Variants in SLC24A2 observed in about 807,000 individuals in gnomAD.
SLC24A2 encodes solute carrier family 24 member 2.
Under a neutral mutation model 62.0 loss-of-function variants are expected in SLC24A2, and 36 were observed. The ratio of observed to expected loss-of-function variants is 0.58; its 90% CI spans 0.44 to 0.77. The LOEUF (loss-of-function observed/expected upper bound fraction) is 0.77, where lower values mean the gene tolerates loss of function less well. SLC24A2 is among the 30% of genes least tolerant of loss of function. SLC24A2 has a pLI of 0.00. For missense variants in SLC24A2, 846 were observed against 817.9 expected, an observed-to-expected ratio of 1.03 and a Z score of -0.42; for synonymous variants, 358 against 294.0, an observed-to-expected ratio of 1.22 and a Z score of -2.23.
Position 19,514,236 on chromosome 9 carries a change from C to G in SLC24A2, c.*1917G>C, listed in dbSNP as rs1832843538. Reference sequence around the variant, plus strand: ...GATCTGGGGCTGTCAGGTTACCTTTCCTCTTATTCTGCTGTGAGTTCTGCA... The same window carrying G: ...GATCTGGGGCTGTCAGGTTACCTTTGCTCTTATTCTGCTGTGAGTTCTGCA... On this transcript the variant is annotated 3_prime_UTR_variant, in exon 11 of 11. Transcript: ENST00000341998. 1 of 152,206 alleles carries G rather than the reference C, an allele frequency of 6.6e-6. No individual in the cohort carries two copies. Among genetic ancestry groups the G allele is most frequent in the African/African-American group, 2.4e-5 (1 of 41,436 alleles). 9.4% of individuals were successfully genotyped at this position (152,206 alleles called of 1,614,324 possible).
the SLC24A2 span, among the ~76,000 whole-genome samples, chr9:19,976,573 T>C: frequency 5.3e-5 from 8 of 152,252 alleles, no homozygotes; most frequent in Non-Finnish European, 1.0e-4. Flanking sequence ...CAAACCTCTT[T>C]TCTTCATAAA....
chr9:19,580,672 G>A (rs1377575534), intron 5 of SLC24A2, among the ~76,000 whole-genome samples: 1 of 152,194 alleles, frequency 6.6e-6, no homozygotes, highest in Non-Finnish European at 1.5e-5. Context: ...ATGCTTAAAT[G>A]GAGGTTAAAT....
the SLC24A2 span, among the ~76,000 whole-genome samples, chr9:19,958,829 TTG>T: frequency 6.6e-6 from 1 of 152,212 alleles, no homozygotes; most frequent in African/African-American, 2.4e-5. Context: ...AAATTACTGT[TTG>T]TGACTTTTTA....
chr9:19,510,384 T>A lies in SLC24A2; in HGVS notation c.*5769A>T, dbSNP rs555398363. ...GGTAAAGAGTCACATAGCGGTAACT[T>A]CCAACTATGGGGCAAAGAGTGAAGA... On this transcript the variant is annotated 3_prime_UTR_variant, in exon 11 of 11. Coordinates refer to ENST00000341998, the MANE Select transcript of SLC24A2 (RefSeq NM_020344.4). 4.4e-4 allele frequency: 63 copies of A among 142,342 alleles called. No homozygotes were observed. Among genetic ancestry groups the A allele is most frequent in the African/African-American group, 1.7e-3 (63 of 38,096 alleles). 8.8% of individuals were successfully genotyped at this position (142,342 alleles called of 1,614,324 possible). A position where few individuals can be genotyped will look rare whatever the true frequency, so the allele number is the denominator to read the frequency against.
At chr9:19,548,085 C>A (rs141727924) in intron 8 of SLC24A2, among the ~76,000 whole-genome samples, 1 of 151,552 alleles carries the variant, frequency 6.6e-6, no homozygotes, top group Non-Finnish European at 1.5e-5. Context: ...TACAAGGAGT[C>A]CTTTCTTGTT....
the SLC24A2 span, among the ~76,000 whole-genome samples, chr9:19,859,200 C>T: frequency 2.6e-5 from 4 of 152,076 alleles, no homozygotes; most frequent in Non-Finnish European, 5.9e-5. Context: ...TTTGCAGAAA[C>T]ATGGATGGAA....
the SLC24A2 span, among the ~76,000 whole-genome samples, chr9:19,869,086 A>G: frequency 2.0e-5 from 3 of 152,014 alleles, no homozygotes; most frequent in South Asian, 6.2e-4. Flanking sequence ...GGCTCAAGTG[A>G]TCCTCTGGCC....
the SLC24A2 span, among the ~76,000 whole-genome samples, chr9:20,304,544 C>G: frequency 6.6e-6 from 1 of 152,122 alleles, no homozygotes; most frequent in Non-Finnish European, 1.5e-5. Flanking sequence ...TGGAAAGTTT[C>G]AATCACACAG....
rs534244107 is a variant in SLC24A2, at chr9:19,558,596, C to T, written c.1348-8328G>A. ...GGACACTGTAGAAGATGGATTAAGC[C>T]CTTTATAACAATAAACTTTCCTGGG... is the stretch of plus-strand genomic sequence containing the variant. On this transcript the variant is annotated intron_variant, in intron 7 of 10. Coordinates refer to ENST00000341998, the MANE Select transcript of SLC24A2 (RefSeq NM_020344.4). Among the ~76,000 whole-genome samples, 10 of 152,188 alleles carry T rather than the reference C, an allele frequency of 6.6e-5. No homozygotes were observed. In the South Asian group the frequency reaches 2.1e-3, roughly 32 times the overall value.
chr9:19,829,157 C>T, the SLC24A2 span, among the ~76,000 whole-genome samples: 31 of 152,242 alleles, frequency 2.0e-4, no homozygotes, highest in South Asian at 2.9e-3. Flanking sequence ...CTGAAACTCA[C>T]GGGGTATGAG....
chr9:19,640,014 C>A (rs1163119818), intron 2 of SLC24A2, among the ~76,000 whole-genome samples: 1 of 152,218 alleles, frequency 6.6e-6, no homozygotes, highest in Non-Finnish European at 1.5e-5. Flanking sequence ...CATGCTTCAG[C>A]ATAGTAACTT....
At chr9:19,741,442 C>A (rs760905734) in intron 2 of SLC24A2, among the ~76,000 whole-genome samples, 5 of 152,190 alleles carry the variant, frequency 3.3e-5, no homozygotes, top group Non-Finnish European at 5.9e-5. Flanking sequence ...TTCAATGGCG[C>A]AGTTTTTCCA....
the SLC24A2 span, among the ~76,000 whole-genome samples, chr9:20,182,472 C>T: frequency 5.3e-5 from 8 of 152,176 alleles, no homozygotes; most frequent in African/African-American, 1.9e-4. Context: ...ATGATGAATT[C>T]ATGTCCTTTG....
At chr9:19,663,088 T>C (rs183979025) in intron 2 of SLC24A2, among the ~76,000 whole-genome samples, 2 of 152,336 alleles carry the variant, frequency 1.3e-5, no homozygotes, top group East Asian at 3.9e-4. Flanking sequence ...AATGGCTAAC[T>C]GCCCAACATA....
intron 7 of SLC24A2, among the ~76,000 whole-genome samples, chr9:19,560,665 A>AT (rs891985908): frequency 1.3e-5 from 2 of 152,070 alleles, no homozygotes; most frequent in Non-Finnish European, 2.9e-5. Context: ...AGTCTCTGGT[A>AT]TTTTTTTCTG....
chr9:19,935,946 A>T, the SLC24A2 span, among the ~76,000 whole-genome samples: 1 of 152,258 alleles, frequency 6.6e-6, no homozygotes, highest in Non-Finnish European at 1.5e-5. Context: ...AGGAAGATTT[A>T]ATAAGTGCCT....
chr9:20,069,877 A>C, the SLC24A2 span, among the ~76,000 whole-genome samples: 3 of 152,092 alleles, frequency 2.0e-5, no homozygotes, highest in Non-Finnish European at 2.9e-5. Context: ...TGTCCCTTCT[A>C]TTCACCACTG....
chr9:19,898,773 C>T, the SLC24A2 span, among the ~76,000 whole-genome samples: 2 of 146,048 alleles, frequency 1.4e-5, no homozygotes, highest in Admixed American at 1.4e-4. Context: ...AAGAATAGGA[C>T]AATGTCTAGG....
chr9:19,737,133 G>T (rs1361872554), intron 2 of SLC24A2, among the ~76,000 whole-genome samples: 1 of 152,184 alleles, frequency 6.6e-6, no homozygotes. Context: ...ACTGCACTAA[G>T]AACTTTGCCA....
Sources: gnomAD v4.1 joint callset for allele counts (sites outside exome capture counted in the v4.1 genomes callset) on GRCh38, gnomAD v4.1.1 for gene constraint, MANE v1.5 for transcripts, NCBI Gene and HGNC (gene_info 2026-07-23, HGNC 2026-07-21) for gene names.